The following ARHGAP24 variants were observed in gnomAD, a reference collection of about 807,000 sequenced individuals.
ARHGAP24 encodes the protein rho GTPase-activating protein 24.
In ARHGAP24, 50 loss-of-function variants were observed where a neutral mutation model predicts 76.4. The ratio of observed to expected loss-of-function variants is 0.65; its 90% confidence interval spans 0.52 to 0.83. The LOEUF (loss-of-function observed/expected upper bound fraction) is 0.83. Ranked by LOEUF, ARHGAP24 falls within the 40% of genes least tolerant of loss-of-function variation. ARHGAP24 has a pLI of 0.00. For missense variants in ARHGAP24, 930 were observed against 914.2 expected, an observed-to-expected ratio of 1.02 and a Z score of -0.22; for synonymous variants, 345 against 323.3, an observed-to-expected ratio of 1.07 and a Z score of -0.72.
At chr4:85,959,031 G>A (rs1050870245) in intron 5 of ARHGAP24, among the ~76,000 whole-genome samples, 6 of 152,162 alleles carry the variant, frequency 3.9e-5, no homozygotes, top group South Asian at 2.1e-4. Context: ...GGGCGAGTCC[G>A]TAGAGTAAAG....
chr4:85,842,655 G>T (rs1413345337), intron 3 of ARHGAP24, among the ~76,000 whole-genome samples: 1 of 152,192 alleles, frequency 6.6e-6, no homozygotes, highest in African/African-American at 2.4e-5. Flanking sequence ...ACACACGTCA[G>T]CTGTGGCAAA....
intron 1 of ARHGAP24, among the ~76,000 whole-genome samples, chr4:85,557,115 CTGT>C (rs1314560537): frequency 6.6e-6 from 1 of 152,220 alleles, no homozygotes; most frequent in Non-Finnish European, 1.5e-5. Flanking sequence ...TCTGGGAGCT[CTGT>C]CCCAGGGAAT....
In ARHGAP24 at chr4:85,897,897, G is replaced by A. The variant is rs542745930; in HGVS notation, c.269-25751G>A. Among the ~76,000 whole-genome samples the A allele has an allele frequency of 1.6e-3, 244 of 151,996 alleles. 1 individual carries two copies. The highest frequency in any genetic ancestry group is 4.4e-3 in the African/African-American group (182 of 41,470). On this transcript the variant is annotated intron_variant, in intron 3 of 9. Transcript: ENST00000395184. ...AAGTGGTGGGTGTGTGCACGCAAAT[G>A]TGTGGCTGCGTCCATTGTGAGTTGA... is the stretch of plus-strand genomic sequence containing the variant.
chr4:85,648,414 A>G (rs2109977822), intron 2 of ARHGAP24, among the ~76,000 whole-genome samples: 1 of 152,274 alleles, frequency 6.6e-6, no homozygotes, highest in South Asian at 2.1e-4. Context: ...ACTAGTTTGA[A>G]AACAAATCAA....
intron 3 of ARHGAP24, among the ~76,000 whole-genome samples, chr4:85,886,768 T>A (rs1305400255): frequency 6.6e-6 from 1 of 152,124 alleles, no homozygotes; most frequent in South Asian, 2.1e-4. Flanking sequence ...TCAAATAAAA[T>A]AGTTTAAATT....
chr4:85,494,698 T>TA (rs532142296), intron 1 of ARHGAP24, among the ~76,000 whole-genome samples: 230 of 148,650 alleles, frequency 1.5e-3, no homozygotes, highest in Non-Finnish European at 2.8e-3. Context: ...AAATAAAAAA[T>TA]AAAAAAAATT....
intron 3 of ARHGAP24, among the ~76,000 whole-genome samples, chr4:85,919,826 AT>A (rs1735624792): frequency 6.6e-6 from 1 of 152,228 alleles, no homozygotes; most frequent in African/African-American, 2.4e-5. Context: ...AAAGACAATA[AT>A]TACAATATTC....
chr4:85,635,714 T>C (rs1721290559), intron 2 of ARHGAP24, among the ~76,000 whole-genome samples: 1 of 151,922 alleles, frequency 6.6e-6, no homozygotes, highest in Non-Finnish European at 1.5e-5. Context: ...ATCTAATTTC[T>C]ATTTTATTTT....
intron 3 of ARHGAP24, among the ~76,000 whole-genome samples, chr4:85,853,191 C>T (rs1012157709): frequency 5.3e-5 from 8 of 152,194 alleles, no homozygotes; most frequent in African/African-American, 1.9e-4. Flanking sequence ...GGTGGACGCC[C>T]CTTCCCCAGC....
intron 8 of ARHGAP24, among the ~76,000 whole-genome samples, chr4:85,980,342 A>C (rs1351110953): frequency 6.6e-6 from 1 of 152,220 alleles, no homozygotes; most frequent in Non-Finnish European, 1.5e-5. Flanking sequence ...TTATAACTAC[A>C]GGGTTTTTAT....
chr4:85,675,065 A>G (rs1423269393), intron 2 of ARHGAP24, among the ~76,000 whole-genome samples: 1 of 152,178 alleles, frequency 6.6e-6, no homozygotes, highest in Non-Finnish European at 1.5e-5. Flanking sequence ...CTGGTTTACA[A>G]TATAGGAGAG....
chr4:85,878,618 A>G (rs1217930147), intron 3 of ARHGAP24, among the ~76,000 whole-genome samples: 1 of 152,168 alleles, frequency 6.6e-6, no homozygotes, highest in Non-Finnish European at 1.5e-5. Context: ...ATATAATTCT[A>G]CATTCATAGC....
chr4:85,633,973 A>G (rs558023826), intron 2 of ARHGAP24, among the ~76,000 whole-genome samples: 405 of 151,670 alleles, frequency 2.7e-3, no homozygotes, highest in African/African-American at 9.0e-3. Context: ...CTGCAGGAAC[A>G]CTCCCCCTTC....
intron 3 of ARHGAP24, among the ~76,000 whole-genome samples, chr4:85,743,946 A>T (rs2601857): frequency 0.86 from 131,578 of 152,266 alleles, 57,687 homozygotes; most frequent in East Asian, 1. Context: ...AATTCCTAGC[A>T]TCTTTTCAAG....
At chr4:85,780,758 C>T (rs1982427) in intron 3 of ARHGAP24, among the ~76,000 whole-genome samples, 97,826 of 151,584 alleles carry the variant, frequency 0.65, 32,635 homozygotes, top group East Asian at 0.88. Flanking sequence ...GACATAGACA[C>T]AGTGACATCT....
chr4:85,577,005 A>T (rs1189109073), intron 2 of ARHGAP24, among the ~76,000 whole-genome samples: 1 of 151,852 alleles, frequency 6.6e-6, no homozygotes, highest in African/African-American at 2.4e-5. Context: ...GAGATACTTT[A>T]TTTATCTGAT....
intron 3 of ARHGAP24, among the ~76,000 whole-genome samples, chr4:85,772,465 T>G (rs1007877296): frequency 1.3e-5 from 2 of 152,226 alleles, no homozygotes; most frequent in African/African-American, 4.8e-5. Context: ...CTGTATTCAA[T>G]GTCTTAGTTT....
At chr4:85,740,875 C>A (rs1174644495) in intron 3 of ARHGAP24, among the ~76,000 whole-genome samples, 2 of 152,162 alleles carry the variant, frequency 1.3e-5, no homozygotes, top group Non-Finnish European at 2.9e-5. Flanking sequence ...ATCCCAGAAA[C>A]ACAGATTCCC....
intron 5 of ARHGAP24, among the ~76,000 whole-genome samples, chr4:85,945,679 G>C (rs922283954): frequency 1.3e-5 from 2 of 149,064 alleles, no homozygotes; most frequent in Non-Finnish European, 3.0e-5. Flanking sequence ...AGAATCTCTT[G>C]AACCCGGGAG....
Sources: gnomAD v4.1 joint callset for allele counts (sites outside exome capture counted in the v4.1 genomes callset) on GRCh38, gnomAD v4.1.1 for gene constraint, MANE v1.5 for transcripts, NCBI Gene and HGNC (gene_info 2026-07-23, HGNC 2026-07-21) for gene names.